Variants in PLCE1 observed in about 807,000 individuals in gnomAD.
PLCE1 encodes the protein phospholipase C epsilon 1.
In PLCE1, 119 loss-of-function variants were observed where a neutral mutation model predicts 242.8. The observed-to-expected ratio is 0.49, with a 90% CI of 0.42 to 0.57. PLCE1 has a LOEUF of 0.57. Among genes scored for constraint, PLCE1 ranks in the 20% least tolerant of loss-of-function variants. The pLI is 0.00. For synonymous variants in PLCE1, 945 were observed against 1,017.4 expected, an observed-to-expected ratio of 0.93 and a Z score of 1.35; for missense variants, 2,441 against 2,788.8, an observed-to-expected ratio of 0.88 and a Z score of 2.81.
intron 4 of PLCE1, among the ~76,000 whole-genome samples, chr10:94,210,598 G>A (rs956236698): frequency 2.0e-5 from 3 of 152,024 alleles, no homozygotes; most frequent in African/African-American, 7.2e-5. Context: ...GCCTCCCCAC[G>A]TCCTAGGCTT....
At chr10:94,222,331 CTTCA>C (rs375517855) in intron 4 of PLCE1, among the ~76,000 whole-genome samples, 53 of 152,084 alleles carry the variant, frequency 3.5e-4, no homozygotes, top group Admixed American at 7.9e-4. Flanking sequence ...AGGAGGTAAG[CTTCA>C]TTCATTCATT....
chr10:94,085,464 A>G (rs1405958502), intron 2 of PLCE1, among the ~76,000 whole-genome samples: 3 of 152,080 alleles, frequency 2.0e-5, no homozygotes, highest in Non-Finnish European at 4.4e-5. Flanking sequence ...GAGGCAGTCC[A>G]TATTTTGGAA....
intron 2 of PLCE1, among the ~76,000 whole-genome samples, chr10:94,070,991 C>T (rs1040684324): frequency 6.6e-5 from 10 of 152,184 alleles, no homozygotes; most frequent in South Asian, 2.1e-4. Context: ...CATACCCAAC[C>T]GCATGCTTAA....
At chr10:94,173,960 G>T (rs2048055753) in intron 4 of PLCE1, among the ~76,000 whole-genome samples, 1 of 152,162 alleles carries the variant, frequency 6.6e-6, no homozygotes, top group Admixed American at 6.5e-5. Flanking sequence ...AAGTAGAAAA[G>T]TTCCATTACA....
At chr10:94,182,163 A>G (rs1160582547) in intron 4 of PLCE1, among the ~76,000 whole-genome samples, 3 of 151,838 alleles carry the variant, frequency 2.0e-5, no homozygotes, top group Non-Finnish European at 4.4e-5. Flanking sequence ...CAGGAGGAAA[A>G]TGGTTTCTAT....
At chr10:94,021,079 T>C (rs972890857) in intron 1 of PLCE1, among the ~76,000 whole-genome samples, 3 of 152,002 alleles carry the variant, frequency 2.0e-5, no homozygotes, top group Admixed American at 1.3e-4. Flanking sequence ...GATCTGCTCA[T>C]CTCATCCTCC....
At chr10:94,256,263 G>T (rs2051091605) in intron 11 of PLCE1, among the ~76,000 whole-genome samples, 1 of 147,128 alleles carries the variant, frequency 6.8e-6, no homozygotes, top group African/African-American at 2.5e-5. Flanking sequence ...GGTTCCGGCT[G>T]CAGTGAGCCA....
At chr10:94,126,593 T>A (rs1489630425) in intron 2 of PLCE1, among the ~76,000 whole-genome samples, 1 of 152,188 alleles carries the variant, frequency 6.6e-6, no homozygotes, top group Non-Finnish European at 1.5e-5. Flanking sequence ...GTCTAGCAAG[T>A]GTGGATGCCA....
At chr10:94,302,629 T>C (rs12217792) in intron 24 of PLCE1, among the ~76,000 whole-genome samples, 10,777 of 152,204 alleles carry the variant, frequency 0.071, 516 homozygotes, top group East Asian at 0.19. Flanking sequence ...GTAGTTAAGA[T>C]TGGGAACAAT....
At chr10:94,141,600 GGC>G (rs1326565010) in intron 3 of PLCE1, among the ~76,000 whole-genome samples, 129 of 10,080 alleles carry the variant, frequency 0.013, 16 homozygotes, top group African/African-American at 0.058. Flanking sequence ...GCTAAGGGAA[GGC>G]AAAGGGAAGG....
Position 94,132,174 on chromosome 10 carries a change from A to G in PLCE1, c.1207A>G (p.Ile403Val), listed in dbSNP as rs989468480. 1.9e-6 allele frequency: 3 copies of G among 1,613,146 alleles called. No individual in the cohort carries two copies. Among genetic ancestry groups the G allele is most frequent in the Non-Finnish European group, 1.7e-6 (2 of 1,179,244 alleles). Reference protein sequence around the residue: ...QRLSEAQWYPIYNAVRREETE... With the variant: ...QRLSEAQWYPVYNAVRREETE... ...TTCCTGTACTTTGTGCTATTCACAG[A>G]TCTACAATGCAGTGAGAAGAGAAGA... is the stretch of plus-strand genomic sequence containing the variant. Residue 403 changes from isoleucine (I) to valine (V), a missense_variant and splice_region_variant, in exon 3 of 33, where the codon ATC becomes GTC. Physicochemically the swap from Ile to Val is conservative, Grantham distance 29 (BLOSUM62 3). Transcript: ENST00000371380.
intron 3 of PLCE1, among the ~76,000 whole-genome samples, chr10:94,132,801 T>G (rs2046644183): frequency 6.6e-6 from 1 of 151,840 alleles, no homozygotes. Context: ...ATACAAAAAG[T>G]TAGCTGAGGG....
At chr10:94,125,038 C>T (rs2046399768) in intron 2 of PLCE1, among the ~76,000 whole-genome samples, 1 of 151,968 alleles carries the variant, frequency 6.6e-6, no homozygotes, top group Admixed American at 6.6e-5. Flanking sequence ...TAGTCAGGGC[C>T]AAAAAACCAG....
intron 1 of PLCE1, among the ~76,000 whole-genome samples, chr10:94,023,865 A>C (rs1193166476): frequency 6.6e-6 from 1 of 152,108 alleles, no homozygotes; most frequent in Non-Finnish European, 1.5e-5. Context: ...TTTCTAATAA[A>C]GGGAGTTAAA....
intron 2 of PLCE1, among the ~76,000 whole-genome samples, chr10:94,084,426 C>G (rs2044742863): frequency 1.3e-5 from 2 of 152,122 alleles, no homozygotes; most frequent in African/African-American, 4.8e-5. Flanking sequence ...CCTCTTTAGT[C>G]TGCCTCTTCA....
chr10:94,050,873 G>C (rs1050277000), intron 2 of PLCE1, among the ~76,000 whole-genome samples: 2 of 152,124 alleles, frequency 1.3e-5, no homozygotes, highest in Non-Finnish European at 2.9e-5. Flanking sequence ...TAACCAACTT[G>C]CATTTCATCT....
At position 94,331,616 on chromosome 10, in the gene PLCE1, G is replaced by A. The variant is rs2054156465; in HGVS notation, c.*3673G>A. 1 of 152,196 alleles carries A rather than the reference G, an allele frequency of 6.6e-6. No homozygotes were observed. Among genetic ancestry groups the A allele is most frequent in the Admixed American group, 6.5e-5 (1 of 15,286 alleles). The allele number at this position is 152,196 out of a possible 1,614,324, so 9.4% of individuals were successfully genotyped here. Reference sequence around the variant, plus strand: ...CTTTTCAGTTGCTTATATATCAGCAGTGAGGCCAGAAAAGATATACCTGGG... The same window carrying A: ...CTTTTCAGTTGCTTATATATCAGCAATGAGGCCAGAAAAGATATACCTGGG... On this transcript the variant is annotated 3_prime_UTR_variant, in exon 33 of 33. Coordinates refer to ENST00000371380, the MANE Select transcript of PLCE1 (RefSeq NM_016341.4).
intron 2 of PLCE1, among the ~76,000 whole-genome samples, chr10:94,070,373 A>G (rs916174680): frequency 2.0e-5 from 3 of 152,148 alleles, no homozygotes; most frequent in Non-Finnish European, 2.9e-5. Context: ...TGTTAAGAAC[A>G]TTAGTGTAAG....
At chr10:94,258,699 C>T in intron 11 of PLCE1, 101 bp from the exon 12 acceptor site, 1 of 1,383,648 alleles carries the variant, frequency 7.2e-7, no homozygotes, top group South Asian at 1.2e-5. Context: ...ATAACTTGCA[C>T]TCATCCTTTT....
Sources: gnomAD v4.1 joint callset for allele counts (sites outside exome capture counted in the v4.1 genomes callset) on GRCh38, gnomAD v4.1.1 for gene constraint, MANE v1.5 for transcripts, NCBI Gene and HGNC (gene_info 2026-07-23, HGNC 2026-07-21) for gene names.